The following CRISPLD1 variants were observed in gnomAD, a reference collection of about 807,000 sequenced individuals.
The protein encoded by CRISPLD1 is cysteine rich secretory protein LCCL domain containing 1, also known as cysteine-rich secretory protein LCCL domain-containing 1.
CRISPLD1 carries 60 observed loss-of-function variants against 77.5 expected under a neutral mutation model. The ratio of observed to expected loss-of-function variants is 0.77; its 90% confidence interval spans 0.63 to 0.96. The LOEUF (loss-of-function observed/expected upper bound fraction) is 0.96, where lower values mean the gene tolerates loss of function less well. CRISPLD1 is among the 40% of genes least tolerant of loss of function. CRISPLD1 has a pLI of 0.00. For missense variants in CRISPLD1, 623 were observed against 615.8 expected (o/e 1.01, Z -0.12); for synonymous variants, 195 against 200.1 (o/e 0.97, Z 0.22).
In CRISPLD1 at chr8:75,013,928, AG is replaced by A; in HGVS notation, c.511-58del. On this transcript the variant is annotated intron_variant, in intron 4 of 14. Coordinates refer to ENST00000262207, the MANE Select transcript of CRISPLD1 (RefSeq NM_031461.6). ...AAATTTTATGCATTTTTCTCTCAGA[AG>A]TGTTGTCCTATTTCATTTCAGCCTG... The A allele has an allele frequency of 2.8e-6, 3 of 1,060,390 alleles. No homozygotes were observed. The South Asian group carries it at 3.9e-5, about 14-fold the overall frequency. The allele number at this position is 1,060,390 out of a possible 1,614,324, so 65.7% of individuals were successfully genotyped here. A position where few individuals can be genotyped will look rare whatever the true frequency, so the allele number is the denominator to read the frequency against.
intron 2 of CRISPLD1, among the ~76,000 whole-genome samples, chr8:75,007,663 C>CTTTTTTTTT (rs34289550): frequency 2.2e-5 from 2 of 89,322 alleles, no homozygotes; most frequent in African/African-American, 9.6e-5. Context: ...GAACCATCGA[C>CTTTTTTTTT]TTTTTTTTTT....
intron 14 of CRISPLD1, among the ~76,000 whole-genome samples, chr8:75,030,756 ATG>A (rs1248353946): frequency 7.5e-6 from 1 of 134,006 alleles, no homozygotes; most frequent in Non-Finnish European, 1.7e-5. Flanking sequence ...GTGTGTATAT[ATG>A]TGTGTATATG....
intron 2 of CRISPLD1, among the ~76,000 whole-genome samples, chr8:74,986,990 C>T (rs563933101): frequency 6.6e-6 from 1 of 152,228 alleles, no homozygotes; most frequent in East Asian, 1.9e-4. Flanking sequence ...TATTATATTC[C>T]TTCCATGAAT....
At chr8:75,013,645 A>G (rs1020238599) in intron 4 of CRISPLD1, among the ~76,000 whole-genome samples, 3 of 152,152 alleles carry the variant, frequency 2.0e-5, no homozygotes, top group Non-Finnish European at 4.4e-5. Context: ...GCTGTTTAGG[A>G]TGTGATTTTC....
chr8:75,014,916 A>T lies in CRISPLD1; in HGVS notation c.727+4A>T. The T allele has an allele frequency of 6.4e-7, 1 of 1,550,954 alleles. No homozygotes were observed. ...AGAGAAAATCTGTGCTACAAAGGTA[A>T]GTGCTATTGTGTTGTGGTATTCATG... On this transcript the variant is annotated splice_donor_region_variant and intron_variant, in intron 6 of 14. Coordinates refer to ENST00000262207, the MANE Select transcript of CRISPLD1 (RefSeq NM_031461.6).
intron 2 of CRISPLD1, among the ~76,000 whole-genome samples, chr8:74,992,337 A>T (rs1812584955): frequency 6.6e-6 from 1 of 151,414 alleles, no homozygotes; most frequent in African/African-American, 2.4e-5. Flanking sequence ...TGAGCTGCTA[A>T]AAATTGTCCT....
At chr8:75,031,147 A>G (rs1434125950) in intron 14 of CRISPLD1, among the ~76,000 whole-genome samples, 1 of 152,064 alleles carries the variant, frequency 6.6e-6, no homozygotes, top group Non-Finnish European at 1.5e-5. Flanking sequence ...TTGGCCATCT[A>G]CTTGCATGAA....
intron 12 of CRISPLD1, among the ~76,000 whole-genome samples, chr8:75,023,404 A>G (rs1813174400): frequency 6.6e-6 from 1 of 152,228 alleles, no homozygotes; most frequent in South Asian, 2.1e-4. Context: ...CTTCCTGCAG[A>G]AACCCCAAAC....
intron 2 of CRISPLD1, among the ~76,000 whole-genome samples, chr8:74,995,567 AG>A (rs915052008): frequency 6.6e-6 from 1 of 152,184 alleles, no homozygotes; most frequent in Non-Finnish European, 1.5e-5. Context: ...CTTGACCTCC[AG>A]GGCTCAAGCC....
At chr8:74,995,321 A>C (rs1439844379) in intron 2 of CRISPLD1, among the ~76,000 whole-genome samples, 1 of 152,236 alleles carries the variant, frequency 6.6e-6, no homozygotes, top group African/African-American at 2.4e-5. Flanking sequence ...AGATATGACA[A>C]TTTTATAACA....
chr8:74,991,474 C>T (rs1229569178), intron 2 of CRISPLD1, among the ~76,000 whole-genome samples: 2 of 152,172 alleles, frequency 1.3e-5, no homozygotes, highest in Non-Finnish European at 2.9e-5. Context: ...GTCCAGTCTG[C>T]CCCAGAGTGG....
Position 74,986,169 on chromosome 8 carries a change from A to C in CRISPLD1, c.182A>C (p.Asp61Ala). The change falls in exon 2 of 15, where the codon GAC (aspartate) becomes GCC (alanine). Residue 61 changes from aspartate (D) to alanine (A), a missense_variant. By Grantham distance (126) the Asp-to-Ala change is moderately radical (BLOSUM62 -2). Transcript: ENST00000262207. ...QRGKRAITDNDMQSILDLHNK... is the reference protein window; with the variant it reads ...QRGKRAITDNAMQSILDLHNK... ...GGGAAAAGGGCCATCACAGACAATG[A>C]CATGCAGAGTATTTTGGACCTTCAT... The C allele has an allele frequency of 6.2e-7, 1 of 1,614,162 alleles. No homozygotes were observed. The highest frequency in any genetic ancestry group is 1.1e-5 in the South Asian group (1 of 91,088).
intron 2 of CRISPLD1, among the ~76,000 whole-genome samples, chr8:75,004,977 G>A (rs1327077649): frequency 1.3e-5 from 2 of 152,064 alleles, no homozygotes; most frequent in African/African-American, 4.8e-5. Context: ...TTTTATTGAA[G>A]GTTCTATGTT....
At chr8:74,992,906 T>TG (rs200671888) in intron 2 of CRISPLD1, among the ~76,000 whole-genome samples, 4 of 93,958 alleles carry the variant, frequency 4.3e-5, no homozygotes, top group African/African-American at 1.9e-4. Flanking sequence ...GAAATTATGG[T>TG]TTTTTTTTTT....
chr8:75,029,891 C>T (rs968354071), intron 14 of CRISPLD1, among the ~76,000 whole-genome samples: 8 of 152,124 alleles, frequency 5.3e-5, no homozygotes, highest in Non-Finnish European at 1.0e-4. Context: ...ATCCAGTTAT[C>T]TGATAAAGTA....
intron 2 of CRISPLD1, among the ~76,000 whole-genome samples, chr8:75,007,734 A>G (rs1275293963): frequency 7.3e-6 from 1 of 137,732 alleles, no homozygotes; most frequent in East Asian, 2.2e-4. Flanking sequence ...GTGCAGTAGT[A>G]TGATCATAGC....
intron 2 of CRISPLD1, among the ~76,000 whole-genome samples, chr8:75,000,961 C>G (rs1452514607): frequency 6.6e-6 from 1 of 151,902 alleles, no homozygotes; most frequent in Non-Finnish European, 1.5e-5. Flanking sequence ...TAGAAAATTG[C>G]AAAAACATTC....
intron 6 of CRISPLD1, among the ~76,000 whole-genome samples, chr8:75,016,012 C>T (rs962736870): frequency 3.3e-5 from 5 of 152,002 alleles, no homozygotes; most frequent in Non-Finnish European, 5.9e-5. Context: ...ACATTAAATT[C>T]AAAGTTTGAA....
rs537094829 is a variant in CRISPLD1 at position 75,007,980 on chromosome 8, C to T, written c.259-4453C>T. ...ATGGGCATGAGCCACTATACTTGGC[C>T]TGGTTTAATTTTGAAAGTTATCTGT... On this transcript the variant is annotated intron_variant, in intron 2 of 14. Transcript: ENST00000262207. Among the ~76,000 whole-genome samples, 3 of 152,188 alleles carry T rather than the reference C, an allele frequency of 2.0e-5. No individual in the cohort carries two copies. The East Asian group carries it at 5.8e-4, about 29-fold the overall frequency.
Sources: gnomAD v4.1 joint callset for allele counts (sites outside exome capture counted in the v4.1 genomes callset) on GRCh38, gnomAD v4.1.1 for gene constraint, MANE v1.5 for transcripts, NCBI Gene and HGNC (gene_info 2026-07-23, HGNC 2026-07-21) for gene names.